The following ATR variants were observed in gnomAD, a reference collection of about 807,000 sequenced individuals.
The protein encoded by ATR is ATR checkpoint kinase.
In ATR, 142 loss-of-function variants were observed where a neutral mutation model predicts 305.3. The ratio of observed to expected loss-of-function variants is 0.47; its 90% CI spans 0.41 to 0.53. The LOEUF is 0.53. Among genes scored for constraint, ATR ranks in the 20% least tolerant of loss-of-function variants. ATR has a pLI of 0.00. For missense variants in ATR, 2,135 were observed against 3,133.1 expected (o/e 0.68, Z 7.60); for synonymous variants, 1,050 against 1,068.1 (o/e 0.98, Z 0.33).
chr3:142,469,246 G>A (rs2071200758), intron 38 of ATR, 91 bp downstream of exon 38: 1 of 1,049,886 alleles, frequency 9.5e-7, no homozygotes, highest in Non-Finnish European at 1.4e-6. Context: ...AGACGCCCTG[G>A]AACTTGTATC....
At chr3:142,522,146 T>C (rs1180829895) in intron 23 of ATR, among the ~76,000 whole-genome samples, 1 of 152,198 alleles carries the variant, frequency 6.6e-6, no homozygotes, top group Non-Finnish European at 1.5e-5. Context: ...AGCAAAACCA[T>C]TATGACTTGC....
intron 29 of ATR, among the ~76,000 whole-genome samples, chr3:142,503,871 TCACATCC>T (rs1329496235): frequency 6.6e-6 from 1 of 152,224 alleles, no homozygotes; most frequent in Non-Finnish European, 1.5e-5. Context: ...ACTTTTTGGT[TCACATCC>T]AATATAAAAA....
chr3:142,465,322 A>T (rs2071102682), intron 40 of ATR, 82 bp from the exon 41 acceptor site: 20 of 285,444 alleles, frequency 7.0e-5, no homozygotes, highest in South Asian at 4.5e-4. Flanking sequence ...TGAGTTATGT[A>T]AAAAAAAAAA....
Position 142,559,420 on chromosome 3 carries a change from T to G in ATR, c.1563A>C (p.Gln521His). The change falls in exon 7 of 47, where the codon CAA becomes CAC. Residue 521 changes from glutamine (Q) to histidine (H), a missense_variant. Gln to His is a conservative substitution (Grantham distance 24, BLOSUM62 0). Around this residue, in one of 9 missense-constraint regions of ATR, gnomAD observed 744 missense variants for 873.2 expected, o/e 0.85. Coordinates refer to ENST00000350721, the MANE Select transcript of ATR (RefSeq NM_001184.4). ...CAGAAGGTTTCTTCTTGGATTTATG[T>G]TGACAGTCCTTGAAAGTACGGCTGC... ...NMNCRTFKDC[Q>H]HKSKKKPSVV... The G allele has an allele frequency of 6.2e-7, 1 of 1,613,782 alleles. No homozygotes were observed. The highest frequency in any genetic ancestry group is 1.1e-5 in the South Asian group (1 of 91,062).
chr3:142,450,704 C>T, intron 46 of ATR: 1 of 1,584,960 alleles, frequency 6.3e-7, no homozygotes, highest in Non-Finnish European at 8.6e-7. Flanking sequence ...GCAACAAAAA[C>T]ACATTACATG....
intron 19 of ATR, 123 bp downstream of exon 19, chr3:142,538,359 T>C: frequency 9.5e-7 from 1 of 1,054,390 alleles, no homozygotes; most frequent in Non-Finnish European, 1.4e-6. Flanking sequence ...CCAATTACTT[T>C]TGTTTATTGA....
intron 22 of ATR, among the ~76,000 whole-genome samples, 153 bp from the exon 23 acceptor site, chr3:142,522,994 T>A (rs1383501388): frequency 6.6e-6 from 1 of 152,234 alleles, no homozygotes; most frequent in African/African-American, 2.4e-5. Flanking sequence ...AAGTTTGGTA[T>A]CAAGACTACA....
At chr3:142,568,764 C>A (rs2035162700) in intron 1 of ATR, among the ~76,000 whole-genome samples, 1 of 152,222 alleles carries the variant, frequency 6.6e-6, no homozygotes, top group South Asian at 2.1e-4. Flanking sequence ...GGCACCCACA[C>A]CAATTTCGGA....
chr3:142,498,224 G>T (rs898399029), intron 32 of ATR, among the ~76,000 whole-genome samples: 5 of 151,934 alleles, frequency 3.3e-5, no homozygotes, highest in Non-Finnish European at 5.9e-5. Context: ...CTATATTTTT[G>T]GGGGGAAATA....
At chr3:142,554,050 A>T (rs774624958) in intron 10 of ATR, 35 bp from the exon 11 acceptor site, 5 of 1,513,880 alleles carry the variant, frequency 3.3e-6, no homozygotes, top group Non-Finnish European at 4.5e-6. Context: ...CTAATTTAAC[A>T]TATTAAATGT....
In ATR at chr3:142,524,108, G is replaced by A. The variant is rs751767612; in HGVS notation, c.4037C>T (p.Ala1346Val). The A allele has an allele frequency of 6.2e-7, 1 of 1,614,012 alleles. No homozygotes were observed. Among genetic ancestry groups the A allele is most frequent in the African/African-American group, 1.3e-5 (1 of 75,022 alleles). The change falls in exon 22 of 47, where the codon GCA becomes GTA. Residue 1346 changes from alanine (A) to valine (V), a missense_variant. This residue lies in a region of ATR where 530 missense variants were observed against 766.8 expected (regional missense o/e 0.69). Transcript: ENST00000350721. ...VTVLLKGCQD[A>V]NSQARLLCGE... ...ACAGAGCAACCGAGCTTGAGAGTTT[G>A]CATCTTGGCAACCTTTCAAAAGCAC...
chr3:142,509,263 C>T (rs2032421394), intron 27 of ATR, among the ~76,000 whole-genome samples: 1 of 152,024 alleles, frequency 6.6e-6, no homozygotes, highest in African/African-American at 2.4e-5. Context: ...ACCTCCTGGA[C>T]TTAAGTGATC....
chr3:142,484,962 T>G (rs1213742176), intron 36 of ATR, among the ~76,000 whole-genome samples, 178 bp downstream of exon 36: 1 of 152,218 alleles, frequency 6.6e-6, no homozygotes. Context: ...TTTAAAAAGT[T>G]TTTAAAGTGA....
At chr3:142,563,574 C>G (rs576894972) in intron 3 of ATR, among the ~76,000 whole-genome samples, 19 of 152,274 alleles carry the variant, frequency 1.2e-4, no homozygotes, top group African/African-American at 3.8e-4. Context: ...ACCCACCGAC[C>G]AGCAGTTCCC....
rs2108372452 is a variant in ATR, at chr3:142,512,436, T to A, written c.4676A>T (p.Asp1559Val). ...YAEIMAVLKH[D>V]DQHTINTQDI... The stretch of plus-strand genomic sequence containing the variant: ...TTGGGTATTTATGGTATGCTGATCG[T>A]CATGCTTTAGAACTGCCATAATTTC... Residue 1559 changes from aspartate to valine, a missense_variant, in exon 27 of 47, where the codon GAC (aspartate) becomes GTC (valine). This residue lies in a region of ATR where 202 missense variants were observed against 252.9 expected (regional missense o/e 0.80). Coordinates refer to ENST00000350721, the MANE Select transcript of ATR (RefSeq NM_001184.4). The A allele has an allele frequency of 1.9e-6, 3 of 1,613,424 alleles. No individual in the cohort carries two copies. Among genetic ancestry groups the A allele is most frequent in the Non-Finnish European group, 2.5e-6 (3 of 1,179,478 alleles).
At chr3:142,563,184 G>A (rs986499451) in intron 3 of ATR, 75 bp from the exon 4 acceptor site, 3 of 1,395,734 alleles carry the variant, frequency 2.1e-6, no homozygotes, top group Admixed American at 2.2e-5. Context: ...AATCCTTGAC[G>A]ATTGACTTTT....
At chr3:142,514,642 A>G (rs2032773591) in intron 25 of ATR, among the ~76,000 whole-genome samples, 1 of 151,296 alleles carries the variant, frequency 6.6e-6, no homozygotes, top group Non-Finnish European at 1.5e-5. Context: ...TCGAAAAAAA[A>G]AAAAAAATAC....
chr3:142,478,771 T>G (rs1351688116), intron 36 of ATR, among the ~76,000 whole-genome samples: 2 of 152,214 alleles, frequency 1.3e-5, no homozygotes, highest in African/African-American at 2.4e-5. Flanking sequence ...ATCTGGGTGC[T>G]CCTGTATTGG....
At position 142,544,452 on chromosome 3, in the gene ATR, C is replaced by CAAAAAA. The variant is rs57120276; in HGVS notation, c.3358-1701_3358-1696dup. ...GGGTGACAGAGCAAAATCCTGCCTCCAAAAAAAAAAAAAAAAAAAAAAAAA... is the reference window on the plus strand; with the variant it reads ...GGGTGACAGAGCAAAATCCTGCCTCCAAAAAAAAAAAAAAAAAAAAAAAAAAAAAAA... On this transcript the variant is annotated intron_variant, in intron 16 of 46. Transcript: ENST00000350721. Among the ~76,000 whole-genome samples, 34 of 18,970 alleles carry CAAAAAA rather than the reference C, an allele frequency of 1.8e-3. 3 individuals carry two copies. Among genetic ancestry groups the CAAAAAA allele is most frequent in the African/African-American group, 3.7e-3 (23 of 6,214 alleles). The allele number at this position is 18,970 out of a possible 152,430, so 12.4% of individuals were successfully genotyped here. A position where few individuals can be genotyped will look rare whatever the true frequency, so the allele number is the denominator to read the frequency against.
Sources: allele counts gnomAD v4.1 joint callset (sites outside exome capture counted in the v4.1 genomes callset), GRCh38; gene constraint gnomAD v4.1.1; regional missense constraint gnomAD v4.1.1; transcripts MANE v1.5; gene names NCBI Gene and HGNC (gene_info 2026-07-23, HGNC 2026-07-21).